EFR3A: variants seen among roughly 807,000 people sequenced by gnomAD.
EFR3A encodes EFR3 homolog A, also known as protein EFR3 homolog A.
EFR3A carries 76 observed loss-of-function variants against 104.4 expected under a neutral mutation model. The ratio of observed to expected loss-of-function variants is 0.73; its 90% CI spans 0.60 to 0.88. EFR3A has a LOEUF of 0.88. EFR3A is among the 40% of genes least tolerant of loss of function. EFR3A has a pLI of 0.00. For synonymous variants in EFR3A, 330 were observed against 330.0 expected (o/e 1.00, Z 0.00); for missense variants, 985 against 1,012.5 (o/e 0.97, Z 0.37).
chr8:132,000,993 T>C (rs1821757804), intron 19 of EFR3A: 4 of 152,172 alleles, frequency 2.6e-5, no homozygotes, highest in Non-Finnish European at 5.9e-5. Flanking sequence ...ATGACCAGAT[T>C]CCCAGGCAAG....
chr8:131,914,472 A>G (rs1301293774), intron 1 of EFR3A, among the ~76,000 whole-genome samples: 7 of 152,218 alleles, frequency 4.6e-5, no homozygotes, highest in African/African-American at 1.4e-4. Context: ...ACCCACATTG[A>G]TGAATACAAT....
Position 132,010,887 on chromosome 8 carries a change from G to A in EFR3A, c.2458G>A (p.Val820Met). 6.2e-7 allele frequency: 1 copy of A among 1,605,486 alleles called. No individual in the cohort carries two copies. Among genetic ancestry groups the A allele is most frequent in the Non-Finnish European group, 8.5e-7 (1 of 1,174,094 alleles). The change falls in exon 23 of 23, where the codon GTG becomes ATG. Residue 820 changes from valine to methionine, a missense_variant. By Grantham distance (21) the Val-to-Met change is conservative. Coordinates refer to ENST00000254624, the MANE Select transcript of EFR3A (RefSeq NM_015137.6). ...TGAGATGAAGTTTCCAGATCTGTGT[G>A]TGTACTGATCGGCGCATGAAGACCT... ...VYEMKFPDLC[V>M]Y is the part of the protein sequence containing the mutation.
chr8:131,978,017 A>T (rs976991693), intron 12 of EFR3A, among the ~76,000 whole-genome samples: 10 of 152,150 alleles, frequency 6.6e-5, no homozygotes, highest in African/African-American at 2.4e-4. Context: ...GGATTTTCCC[A>T]GATGGGTAGA....
rs527884195 is a variant in EFR3A, at chr8:131,969,120, A to G, written c.991+690A>G. 3.3e-5 allele frequency among the ~76,000 whole-genome samples: 5 copies of G among 152,204 alleles called. No homozygotes were observed. In the East Asian group the frequency reaches 5.8e-4, roughly 18 times the overall value. On this transcript the variant is annotated intron_variant, in intron 9 of 22. Coordinates refer to ENST00000254624, the MANE Select transcript of EFR3A (RefSeq NM_015137.6). ...GGAAGCAGTAGGAATGACAATGTCAAGTTGATAGGATTTGATAATGGGTTA... is the reference window on the plus strand; with the variant it reads ...GGAAGCAGTAGGAATGACAATGTCAGGTTGATAGGATTTGATAATGGGTTA...
intron 1 of EFR3A, among the ~76,000 whole-genome samples, chr8:131,909,767 G>A (rs1460553836): frequency 1.3e-5 from 2 of 152,116 alleles, no homozygotes; most frequent in East Asian, 3.9e-4. Context: ...TGGCCTCTAC[G>A]AACTGGAAGC....
intron 1 of EFR3A, among the ~76,000 whole-genome samples, chr8:131,906,853 A>G (rs1006141898): frequency 1.3e-5 from 2 of 152,156 alleles, no homozygotes; most frequent in Non-Finnish European, 2.9e-5. Context: ...TTGACACATC[A>G]TTTTTCTAGA....
chr8:131,915,474 C>T (rs1163715821), intron 1 of EFR3A, among the ~76,000 whole-genome samples: 1 of 152,214 alleles, frequency 6.6e-6, no homozygotes, highest in Non-Finnish European at 1.5e-5. Context: ...TTGTAAAGCA[C>T]TGCTGGCTGG....
chr8:131,914,534 AT>A (rs529039216), intron 1 of EFR3A, among the ~76,000 whole-genome samples: 2 of 152,178 alleles, frequency 1.3e-5, no homozygotes, highest in East Asian at 3.9e-4. Flanking sequence ...AGTTTTCAAA[AT>A]TTCTTCCACA....
At chr8:131,936,831 G>C (rs369851432) in intron 1 of EFR3A, among the ~76,000 whole-genome samples, 8 of 152,168 alleles carry the variant, frequency 5.3e-5, no homozygotes, top group African/African-American at 1.9e-4. Flanking sequence ...GTCACCCTCC[G>C]GAAACTTCCA....
Position 131,904,263 on chromosome 8 carries a change from G to C in EFR3A, c.-50G>C. 2.3e-6 allele frequency: 3 copies of C among 1,282,174 alleles called. No homozygotes were observed. Among genetic ancestry groups the C allele is most frequent in the South Asian group, 2.5e-5 (1 of 40,282 alleles). 79.4% of individuals were successfully genotyped at this position (1,282,174 alleles called of 1,614,324 possible). ...CGTCATGGTGCCGTCGGCGCTCCCT[G>C]CGCGGCCCCGCTGAGCCTCGGTGCG... is the stretch of plus-strand genomic sequence containing the variant. On this transcript the variant is annotated 5_prime_UTR_variant, in exon 1 of 23. Coordinates refer to ENST00000254624, the MANE Select transcript of EFR3A (RefSeq NM_015137.6).
intron 22 of EFR3A, among the ~76,000 whole-genome samples, chr8:132,004,945 G>A (rs1821960377): frequency 6.6e-6 from 1 of 152,110 alleles, no homozygotes; most frequent in South Asian, 2.1e-4. Flanking sequence ...TAATATTTTA[G>A]AATAAGTATT....
chr8:131,931,156 A>G (rs963663968), intron 1 of EFR3A, among the ~76,000 whole-genome samples: 4 of 152,082 alleles, frequency 2.6e-5, no homozygotes, highest in Non-Finnish European at 5.9e-5. Context: ...GGTTGGGGGC[A>G]GGGAGTATTC....
chr8:131,920,429 T>C (rs1816948816), intron 1 of EFR3A, among the ~76,000 whole-genome samples: 1 of 152,222 alleles, frequency 6.6e-6, no homozygotes, highest in East Asian at 1.9e-4. Flanking sequence ...GCTTCTTTTT[T>C]CTTTCTCACA....
At chr8:132,007,605 C>G (rs540695022) in intron 22 of EFR3A, among the ~76,000 whole-genome samples, 1 of 151,752 alleles carries the variant, frequency 6.6e-6, no homozygotes, top group Non-Finnish European at 1.5e-5. Flanking sequence ...TTTGTAAAAA[C>G]GTATAAATTG....
At chr8:131,954,698 C>G (rs1818888937) in intron 6 of EFR3A, among the ~76,000 whole-genome samples, 1 of 150,468 alleles carries the variant, frequency 6.6e-6, no homozygotes, top group African/African-American at 2.4e-5. Context: ...ATTTCAGAAG[C>G]AGTATTCTCC....
intron 18 of EFR3A, among the ~76,000 whole-genome samples, chr8:131,994,022 A>G (rs1586666599): frequency 6.6e-6 from 1 of 152,228 alleles, no homozygotes; most frequent in East Asian, 1.9e-4. Flanking sequence ...CTGTACAACA[A>G]ACCCCCATGA....
intron 22 of EFR3A, among the ~76,000 whole-genome samples, chr8:132,010,449 T>TATATATATATATATATAA (rs1326843233): frequency 7.8e-6 from 1 of 128,402 alleles, no homozygotes; most frequent in African/African-American, 2.9e-5. Context: ...TATATATATA[T>TATATATATATATATATAA]AATGAAATAC....
intron 22 of EFR3A, among the ~76,000 whole-genome samples, chr8:132,007,651 A>G (rs1822118490): frequency 6.6e-6 from 1 of 151,964 alleles, no homozygotes; most frequent in South Asian, 2.1e-4. Context: ...AAGGACCTGG[A>G]GTAGCTAAAC....
At position 131,977,042 on chromosome 8, in the gene EFR3A, G is replaced by A; in HGVS notation, c.1276G>A (p.Asp426Asn). The A allele has an allele frequency of 6.3e-7, 1 of 1,597,162 alleles. No homozygotes were observed. Among genetic ancestry groups the A allele is most frequent in the South Asian group, 1.1e-5 (1 of 87,644 alleles). The change falls in exon 12 of 23, where the codon GAT becomes AAT. Residue 426 changes from aspartate (D) to asparagine (N), a missense_variant and splice_region_variant. Physicochemically the swap from Asp to Asn is conservative, Grantham distance 23. Transcript: ENST00000254624. ...THTLDISQLG[D>N]LGTRRIQIML... is the part of the protein sequence containing the mutation. ...AATTCAGCCTTTTGTATATTTTAGGGATTTGGGAACCAGGAGAATTCAGAT... is the reference window on the plus strand; with the variant it reads ...AATTCAGCCTTTTGTATATTTTAGGAATTTGGGAACCAGGAGAATTCAGAT...
Sources: gnomAD v4.1 joint callset for allele counts (sites outside exome capture counted in the v4.1 genomes callset) on GRCh38, gnomAD v4.1.1 for gene constraint, MANE v1.5 for transcripts, NCBI Gene and HGNC (gene_info 2026-07-23, HGNC 2026-07-21) for gene names.